ICA1: variants seen among roughly 807,000 people sequenced by gnomAD.
ICA1 encodes islet cell autoantigen 1, also known as 69 kDa islet cell autoantigen.
A neutral mutation model predicts 71.0 loss-of-function variants in ICA1; 40 were observed. The observed-to-expected ratio is 0.56, with a 90% CI of 0.44 to 0.73. The LOEUF (loss-of-function observed/expected upper bound fraction) is 0.73. Among genes scored for constraint, ICA1 ranks in the 30% least tolerant of loss-of-function variants. The pLI, the probability that ICA1 is intolerant of heterozygous loss-of-function variation, is 0.00. For missense variants in ICA1, 578 were observed against 576.5 expected (o/e 1.00, Z -0.03); for synonymous variants, 207 against 209.5 (o/e 0.99, Z 0.10).
intron 6 of ICA1, among the ~76,000 whole-genome samples, chr7:8,166,304 C>G (rs1011620788): frequency 2.2e-4 from 33 of 152,112 alleles, no homozygotes; most frequent in African/African-American, 8.0e-4. Context: ...ACACGTAGAC[C>G]AGTGGAGCAG....
rs773792483 is a variant in ICA1, at chr7:8,128,058, G to T, written c.1145C>A (p.Ala382Asp). 3 of 1,614,216 alleles carry T rather than the reference G, an allele frequency of 1.9e-6. No homozygotes were observed. The Middle Eastern group carries it at 4.9e-4, about 266-fold the overall frequency. ...GAACTCGCCCTCTTCCAAGGAGGAA[G>T]CATTGAAGATCTCACTCAACAGCAG... ...DLLLLSEIFN[A>D]SSLEEGEFSK... Residue 382 changes from alanine (A) to aspartate (D), a missense_variant, in exon 13 of 14, where the codon GCT becomes GAT. Transcript: ENST00000402384.
At chr7:8,120,171 C>T (rs1044439821) in intron 13 of ICA1, among the ~76,000 whole-genome samples, 6 of 152,212 alleles carry the variant, frequency 3.9e-5, no homozygotes, top group Admixed American at 3.3e-4. Flanking sequence ...TATCATTATT[C>T]CCTTTCCCCG....
In ICA1 at chr7:8,139,005, G is replaced by A. The variant is rs1387435592; in HGVS notation, c.998C>T (p.Ser333Phe). ...KSILSALDKG[S>F]THTACSGPID... ...GTTACCTGAGCATGCAGTATGTGTA[G>A]AGCCTTTGTCTAAGGCAGATAAAAT... Residue 333 changes from serine (S) to phenylalanine (F), a missense_variant, in exon 11 of 14, where the codon TCT (serine) becomes TTT (phenylalanine). By Grantham distance (155) the Ser-to-Phe change is radical. Coordinates refer to ENST00000402384, the MANE Select transcript of ICA1 (RefSeq NM_001136020.3). 2 of 1,613,476 alleles carry A rather than the reference G, an allele frequency of 1.2e-6. No individual in the cohort carries two copies. Among genetic ancestry groups the A allele is most frequent in the Admixed American group, 3.3e-5 (2 of 60,016 alleles).
chr7:8,254,884 G>A lies in ICA1; in HGVS notation c.-80+7210C>T, dbSNP rs183665912. On this transcript the variant is annotated intron_variant, in intron 1 of 13. Transcript: ENST00000402384. ...ACACTTAGCTCCTGGCCTTCAGGGA[G>A]CAGTGGGAAGAAAACCCTGCAGGGT... Among the ~76,000 whole-genome samples, 3 of 152,254 alleles carry A rather than the reference G, an allele frequency of 2.0e-5. No individual in the cohort carries two copies. In the East Asian group the frequency reaches 5.8e-4, roughly 29 times the overall value.
chr7:8,135,971 G>A (rs544666411), intron 12 of ICA1, among the ~76,000 whole-genome samples: 3 of 152,092 alleles, frequency 2.0e-5, no homozygotes, highest in Non-Finnish European at 4.4e-5. Flanking sequence ...TATAATTAAC[G>A]AATTGAGGTC....
At chr7:8,212,763 G>T (rs1794219867) in intron 6 of ICA1, among the ~76,000 whole-genome samples, 1 of 152,144 alleles carries the variant, frequency 6.6e-6, no homozygotes, top group African/African-American at 2.4e-5. Context: ...TCCATTTCCA[G>T]TCAGGAGCAG....
At chr7:8,169,754 G>T (rs1368415615) in intron 6 of ICA1, among the ~76,000 whole-genome samples, 2 of 151,872 alleles carry the variant, frequency 1.3e-5, no homozygotes, top group Admixed American at 1.3e-4. Flanking sequence ...TTCATTATCA[G>T]ACTAAATTTG....
intron 6 of ICA1, among the ~76,000 whole-genome samples, chr7:8,204,188 C>T (rs1302874532): frequency 6.6e-6 from 1 of 152,178 alleles, no homozygotes; most frequent in African/African-American, 2.4e-5. Context: ...GAACAGGAAG[C>T]CAGGTCTCCT....
At chr7:8,237,402 T>G (rs79078385) in intron 1 of ICA1, among the ~76,000 whole-genome samples, 1,954 of 152,338 alleles carry the variant, frequency 0.013, 37 homozygotes, top group African/African-American at 0.045. Flanking sequence ...TTGAGTTCAA[T>G]GTCACCATGA....
chr7:8,126,979 T>A (rs1444643658), intron 13 of ICA1, among the ~76,000 whole-genome samples: 1 of 69,572 alleles, frequency 1.4e-5, no homozygotes, highest in Non-Finnish European at 2.6e-5. Context: ...CCTCCAGCAT[T>A]TTTTTTTTTT....
intron 4 of ICA1, among the ~76,000 whole-genome samples, chr7:8,224,700 T>A (rs1207963082): frequency 6.6e-6 from 1 of 152,214 alleles, no homozygotes; most frequent in Non-Finnish European, 1.5e-5. Context: ...TTGACATTCT[T>A]TTTCTGTTAC....
chr7:8,232,567 G>T, intron 3 of ICA1, 23 bp downstream of exon 3: 1 of 1,587,116 alleles, frequency 6.3e-7, no homozygotes, highest in South Asian at 1.2e-5. Flanking sequence ...CTGTGTTGGG[G>T]CTGACAGCAA....
chr7:8,177,701 C>T (rs1584938141), intron 6 of ICA1, among the ~76,000 whole-genome samples: 1 of 152,232 alleles, frequency 6.6e-6, no homozygotes, highest in African/African-American at 2.4e-5. Context: ...TATTGATGGC[C>T]AGTCACTGTA....
At chr7:8,114,308 G>C (rs41282688) in intron 13 of ICA1, among the ~76,000 whole-genome samples, 9,175 of 152,082 alleles carry the variant, frequency 0.06, 391 homozygotes, top group Non-Finnish European at 0.086. Context: ...CCCACTAATG[G>C]CCATAGCCCA....
At chr7:8,118,303 T>C (rs1010464754) in intron 13 of ICA1, among the ~76,000 whole-genome samples, 2 of 152,238 alleles carry the variant, frequency 1.3e-5, no homozygotes, top group African/African-American at 4.8e-5. Context: ...AAGGCATTGT[T>C]ATTCATTGGA....
intron 12 of ICA1, among the ~76,000 whole-genome samples, chr7:8,131,458 ACAGC>A (rs1379661185): frequency 5.3e-5 from 8 of 152,200 alleles, no homozygotes; most frequent in Non-Finnish European, 1.0e-4. Context: ...GATATTGCCT[ACAGC>A]CAGTTCTAAA....
chr7:8,145,436 A>G (rs753570058), intron 8 of ICA1, among the ~76,000 whole-genome samples: 1 of 151,916 alleles, frequency 6.6e-6, no homozygotes, highest in African/African-American at 2.4e-5. Flanking sequence ...ATCCTCATTA[A>G]TCCTATGAGT....
intron 6 of ICA1, among the ~76,000 whole-genome samples, chr7:8,164,452 G>T (rs553291051): frequency 1.3e-4 from 20 of 152,286 alleles, no homozygotes; most frequent in African/African-American, 4.8e-4. Flanking sequence ...CTGGTGAGGG[G>T]TTGAGTGCTG....
intron 13 of ICA1, among the ~76,000 whole-genome samples, chr7:8,118,486 CA>C (rs1037562695): frequency 6.6e-6 from 1 of 152,112 alleles, no homozygotes; most frequent in Non-Finnish European, 1.5e-5. Flanking sequence ...GAAGTTTTGG[CA>C]TATAAATTAT....
Sources: gnomAD v4.1 joint callset for allele counts (sites outside exome capture counted in the v4.1 genomes callset) on GRCh38, gnomAD v4.1.1 for gene constraint, MANE v1.5 for transcripts, NCBI Gene and HGNC (gene_info 2026-07-23, HGNC 2026-07-21) for gene names.